Variants in MSN observed in about 807,000 individuals in gnomAD.
The protein encoded by MSN is moesin.
Under a neutral mutation model 48.0 loss-of-function variants are expected in MSN, and 2 were observed. That is an observed-to-expected ratio of 0.04 (90% CI 0.02 to 0.13). The LOEUF is 0.13. Ranked by LOEUF, MSN falls within the 10% of genes least tolerant of loss-of-function variation. The pLI is 1.00. For missense variants in MSN, 267 were observed against 470.1 expected, an observed-to-expected ratio of 0.57 and a Z score of 3.99; for synonymous variants, 146 against 166.9, an observed-to-expected ratio of 0.87 and a Z score of 0.97.
intron 1 of MSN, among the ~76,000 whole-genome samples, chrX:65,618,232 G>A (rs770211079): frequency 2.7e-5 from 3 of 111,584 alleles, no homozygotes; most frequent in East Asian, 5.6e-4. Context: ...TCCGCTTGGT[G>A]CAGAGCTGAG....
intron 1 of MSN, among the ~76,000 whole-genome samples, chrX:65,600,333 G>A (rs1017386105): frequency 8.1e-5 from 9 of 111,475 alleles, no homozygotes; most frequent in South Asian, 3.8e-4. Flanking sequence ...GTCTCCAGGC[G>A]TCTAAATGCG....
At chrX:65,647,500 T>A (rs1238071145) in intron 1 of MSN, among the ~76,000 whole-genome samples, 2 of 112,657 alleles carry the variant, frequency 1.8e-5, no homozygotes, top group Non-Finnish European at 3.7e-5. Context: ...CGTAAGCCAC[T>A]GCACCCAGCC....
chrX:65,709,743 T>C (rs1379440928), intron 1 of MSN, among the ~76,000 whole-genome samples: 1 of 113,065 alleles, frequency 8.8e-6, no homozygotes, highest in East Asian at 2.8e-4. Flanking sequence ...TGACATGATC[T>C]GTTCGAGACA....
intron 1 of MSN, among the ~76,000 whole-genome samples, chrX:65,712,667 C>T (rs746513355): frequency 9.2e-6 from 1 of 108,876 alleles, no homozygotes; most frequent in Non-Finnish European, 1.9e-5. Context: ...ATACATTTTA[C>T]AAAGTTGAGC....
intron 1 of MSN, among the ~76,000 whole-genome samples, chrX:65,658,912 T>G (rs1272958839): frequency 9.1e-6 from 1 of 109,704 alleles, no homozygotes; most frequent in Non-Finnish European, 1.9e-5. Flanking sequence ...TGGCGCAACC[T>G]TGGCTCACTG....
At chrX:65,589,615 T>A (rs1569451540) in intron 1 of MSN, 1 of 112,539 alleles carries the variant, frequency 8.9e-6, no homozygotes, top group East Asian at 2.8e-4. Context: ...GAGGGTCATG[T>A]CCTAACCCCT....
chrX:65,716,417 A>C, intron 1 of MSN: 1 of 220,289 alleles, frequency 4.5e-6, no homozygotes, highest in Non-Finnish European at 8.9e-6. Context: ...CTTGAACTAC[A>C]GGTGTGCACC....
chrX:65,623,368 C>CTTTTTTTTTTTTTTTTTTTTTTTTTG (rs773663630), intron 1 of MSN, among the ~76,000 whole-genome samples: 1 of 74,175 alleles, frequency 1.3e-5, no homozygotes, highest in Non-Finnish European at 2.7e-5. Context: ...TCTTTCTTTT[C>CTTTTTTTTTTTTTTTTTTTTTTTTTG]TTTTTTTTTT....
intron 1 of MSN, among the ~76,000 whole-genome samples, chrX:65,614,390 T>A (rs1318504642): frequency 1.8e-5 from 2 of 110,986 alleles, no homozygotes; most frequent in African/African-American, 6.5e-5. Flanking sequence ...TAAAGTAGTT[T>A]TTTTTCTAAT....
intron 1 of MSN, among the ~76,000 whole-genome samples, chrX:65,616,117 T>C (rs1180056912): frequency 1.8e-5 from 2 of 111,646 alleles, no homozygotes; most frequent in Non-Finnish European, 3.8e-5. Context: ...AGCCTTGTAG[T>C]ATAGTTTGAA....
At chrX:65,629,586 G>C (rs2070538217) in intron 1 of MSN, among the ~76,000 whole-genome samples, 1 of 111,789 alleles carries the variant, frequency 8.9e-6, no homozygotes, top group Admixed American at 9.5e-5. Flanking sequence ...TGGACTTACA[G>C]TTCCACATGG....
chrX:65,692,979 C>G (rs2071191730), intron 1 of MSN, among the ~76,000 whole-genome samples: 1 of 112,380 alleles, frequency 8.9e-6, no homozygotes, highest in South Asian at 3.6e-4. Flanking sequence ...GTAACCAAGA[C>G]TATAAGTGGC....
intron 1 of MSN, among the ~76,000 whole-genome samples, chrX:65,623,392 A>G (rs1232084330): frequency 3.1e-5 from 2 of 65,538 alleles, no homozygotes; most frequent in African/African-American, 1.2e-4. Context: ...TTTACATTGT[A>G]TGTCTTCATC....
chrX:65,628,642 T>C (rs2070528436), intron 1 of MSN, among the ~76,000 whole-genome samples: 1 of 112,088 alleles, frequency 8.9e-6, no homozygotes, highest in Non-Finnish European at 1.9e-5. Context: ...GGATTAACAT[T>C]AGGCTCCTTG....
At position 65,670,941 on chromosome X, in the gene MSN, T is replaced by G. The variant is rs1262927598; in HGVS notation, c.12+3088T>G. Among the ~76,000 whole-genome samples, 2 of 64,582 alleles carry G rather than the reference T, an allele frequency of 3.1e-5. 1 individual carries two copies. Among genetic ancestry groups the G allele is most frequent in the Non-Finnish European group, 5.8e-5 (2 of 34,691 alleles). The allele number at this position is 64,582 out of a possible 115,157, so 56.1% of individuals were successfully genotyped here. ...ATATATATATATATATATATATATA[T>G]ATATATATATATATTTAAAAAGGCC... is the stretch of plus-strand genomic sequence containing the variant. On this transcript the variant is annotated intron_variant, in intron 1 of 12. Transcript: ENST00000360270.
chrX:65,704,047 C>T (rs898266529), intron 1 of MSN, among the ~76,000 whole-genome samples: 2 of 111,827 alleles, frequency 1.8e-5, no homozygotes, highest in African/African-American at 6.5e-5. Flanking sequence ...GGAGTCTGTT[C>T]CTAAGCAGAG....
intron 1 of MSN, among the ~76,000 whole-genome samples, chrX:65,602,539 C>T (rs1315640523): frequency 9.1e-6 from 1 of 109,673 alleles, no homozygotes; most frequent in African/African-American, 3.4e-5. Context: ...TCCAGCTCCA[C>T]GCTCTCTCAT....
In MSN at chrX:65,591,339, G is replaced by A. The variant is rs143332796; in HGVS notation, c.-22+2727G>A. Among the ~76,000 whole-genome samples the A allele has an allele frequency of 4.5e-5, 5 of 111,725 alleles. No homozygotes were observed. In the East Asian group the frequency reaches 8.5e-4, roughly 19 times the overall value. On this transcript the variant is annotated intron_variant, in intron 1 of 3. Transcript: ENST00000609672. ...GACTGTCATAACTCTCACCACTGTC[G>A]GCTAGGGAGATGTCTATCCCCTGTC...
At chrX:65,608,898 ATGATTCTGGTTGTG>A (rs2070298396) in intron 1 of MSN, among the ~76,000 whole-genome samples, 1 of 110,625 alleles carries the variant, frequency 9.0e-6, no homozygotes, top group African/African-American at 3.3e-5. Context: ...GGTTACTACC[ATGATTCTGGTTGTG>A]AAGTGAAATT....
Sources: gnomAD v4.1 joint callset for allele counts (sites outside exome capture counted in the v4.1 genomes callset) on GRCh38, gnomAD v4.1.1 for gene constraint, MANE v1.5 for transcripts, NCBI Gene and HGNC (gene_info 2026-07-23, HGNC 2026-07-21) for gene names.